SYNE2: variants seen among roughly 807,000 people sequenced by gnomAD.
The protein encoded by SYNE2 is spectrin repeat containing nuclear envelope protein 2.
Under a neutral mutation model 856.3 loss-of-function variants are expected in SYNE2, and 431 were observed. The ratio of observed to expected loss-of-function variants is 0.50; its 90% CI spans 0.47 to 0.55. SYNE2 has a LOEUF of 0.55. SYNE2 is among the 20% of genes least tolerant of loss of function. The pLI is 0.00. For synonymous variants in SYNE2, 2,923 were observed against 2,872.3 expected (o/e 1.02, Z -0.56); for missense variants, 8,129 against 8,023.2 (o/e 1.01, Z -0.50).
Position 64,053,629 on chromosome 14 carries a change from A to C in SYNE2, c.9716A>C (p.Gln3239Pro). The change falls in exon 48 of 116, where the codon CAG becomes CCG. Residue 3239 changes from glutamine (Q) to proline (P), a missense_variant. By Grantham distance (76) the Gln-to-Pro change is moderately conservative (BLOSUM62 -1). Transcript: ENST00000555002. ...CGTGAGTTTGAAGATCTTCAGATGC[A>C]GCTTAACACAAGCATTGATTTGCGC... is the stretch of plus-strand genomic sequence containing the variant. The part of the protein sequence containing the change: ...KLREFEDLQM[Q>P]LNTSIDLRTN... The C allele has an allele frequency of 1.2e-6, 2 of 1,613,368 alleles. No individual in the cohort carries two copies. The highest frequency in any genetic ancestry group is 1.7e-6 in the Non-Finnish European group (2 of 1,179,674).
intron 94 of SYNE2, among the ~76,000 whole-genome samples, chr14:64,172,379 T>G (rs1057035959): frequency 6.6e-6 from 1 of 152,222 alleles, no homozygotes; most frequent in African/African-American, 2.4e-5. Flanking sequence ...ACATGACTGA[T>G]GCTTAGGCTG....
intron 1 of SYNE2, among the ~76,000 whole-genome samples, chr14:63,793,768 C>CCT (rs1887821742): frequency 1.3e-5 from 2 of 151,248 alleles, no homozygotes; most frequent in South Asian, 4.2e-4. Context: ...GAGGCCCCCC[C>CCT]CCAACTAAAA....
chr14:63,994,771 G>T (rs376026871), intron 22 of SYNE2, among the ~76,000 whole-genome samples: 1 of 152,052 alleles, frequency 6.6e-6, no homozygotes, highest in South Asian at 2.1e-4. Flanking sequence ...TATCTGTTTT[G>T]CATAGTTTCC....
intron 18 of SYNE2, among the ~76,000 whole-genome samples, chr14:63,986,039 C>T (rs779167005): frequency 6.6e-6 from 1 of 152,154 alleles, no homozygotes; most frequent in Non-Finnish European, 1.5e-5. Flanking sequence ...CAAAGAACTA[C>T]ATCTTATGTC....
chr14:63,896,628 C>G (rs1282125912), intron 1 of SYNE2, among the ~76,000 whole-genome samples: 2 of 152,178 alleles, frequency 1.3e-5, no homozygotes, highest in Admixed American at 1.3e-4. Flanking sequence ...GAAACAGGAC[C>G]TTGGAGAAGC....
intron 1 of SYNE2, among the ~76,000 whole-genome samples, chr14:63,888,397 C>G (rs2095048571): frequency 6.6e-6 from 1 of 152,166 alleles, no homozygotes; most frequent in Non-Finnish European, 1.5e-5. Flanking sequence ...TCACCATGAG[C>G]TGGGATCTTG....
At chr14:63,871,309 G>T (rs1026673270) in intron 1 of SYNE2, among the ~76,000 whole-genome samples, 3 of 151,676 alleles carry the variant, frequency 2.0e-5, no homozygotes, top group Admixed American at 6.6e-5. Flanking sequence ...GGGTTCAAGC[G>T]ATTCTCCTGC....
At chr14:63,801,863 G>A (rs1184832382) in intron 1 of SYNE2, among the ~76,000 whole-genome samples, 1 of 137,636 alleles carries the variant, frequency 7.3e-6, no homozygotes, top group Non-Finnish European at 1.5e-5. Flanking sequence ...AAACATTTAA[G>A]TTTTTATAAG....
In SYNE2 at chr14:64,022,020, T is replaced by C; in HGVS notation, c.5516T>C (p.Leu1839Ser). The C allele has an allele frequency of 6.2e-7, 1 of 1,613,634 alleles. No homozygotes were observed. The highest frequency in any genetic ancestry group is 8.5e-7 in the Non-Finnish European group (1 of 1,179,752). ...KSVLQDHFSK[L>S]LNDQCKNFND... ...GTTTTGCAAGATCACTTTTCTAAGT[T>C]ATTGAATGGTGAGTGCAACATTTCT... The change falls in exon 37 of 116, where the codon TTA (leucine) becomes TCA (serine). Residue 1839 changes from leucine (L) to serine (S), a missense_variant. Transcript: ENST00000555002.
chr14:64,098,598 G>C, intron 62 of SYNE2, 149 bp from the exon 63 acceptor site: 1 of 776,918 alleles, frequency 1.3e-6, no homozygotes, highest in Non-Finnish European at 2.2e-6. Flanking sequence ...TGGAGGAGCT[G>C]AACGGACCAG....
chr14:64,132,473 G>A (rs1248026263), intron 77 of SYNE2, 35 bp downstream of exon 77: 15 of 1,613,524 alleles, frequency 9.3e-6, no homozygotes, highest in South Asian at 3.3e-5. Context: ...ACTGAAGCTG[G>A]GAATTGCTGA....
intron 93 of SYNE2, 83 bp from the exon 94 acceptor site, chr14:64,170,143 CTG>C (rs1491376698): frequency 1.5e-6 from 2 of 1,294,368 alleles, no homozygotes; most frequent in African/African-American, 2.9e-5. Flanking sequence ...CTTATAAAAA[CTG>C]AATCTGAGCT....
Position 63,973,169 on chromosome 14 carries a change from G to A in SYNE2, c.1129-3394G>A, listed in dbSNP as rs530227313. Among the ~76,000 whole-genome samples, 11 of 152,204 alleles carry A rather than the reference G, an allele frequency of 7.2e-5. No homozygotes were observed. The East Asian group carries it at 1.5e-3, about 21-fold the overall frequency. On this transcript the variant is annotated intron_variant, in intron 11 of 115. Transcript: ENST00000555002. ...TACTCAGGAGGCTGTCAGGAGAATC[G>A]CTTGCACCTGGTAGGCGGAGGTTTC... is the stretch of plus-strand genomic sequence containing the variant.
rs1307063472 is a variant in SYNE2, at chr14:64,188,643, A to T, written c.17806A>T (p.Met5936Leu). The T allele has an allele frequency of 1.2e-6, 2 of 1,614,106 alleles. No homozygotes were observed. The highest frequency in any genetic ancestry group is 1.7e-6 in the Non-Finnish European group (2 of 1,180,044). ...NKELCAWLVQ[M>L]ENKVLQTADI... is the part of the protein sequence containing the mutation. ...AGAGTTGTGTGCCTGGCTGGTGCAG[A>T]TGGAAAACAAAGTTCTACAGACAGC... The change falls in exon 98 of 116, where the codon ATG (methionine) becomes TTG (leucine). Residue 5936 changes from methionine to leucine, a missense_variant. Transcript: ENST00000555002.
At chr14:64,054,018 A>G (rs1172553661) in intron 48 of SYNE2, among the ~76,000 whole-genome samples, 3 of 152,186 alleles carry the variant, frequency 2.0e-5, no homozygotes, top group Non-Finnish European at 4.4e-5. Context: ...TAGTGCATCT[A>G]TTTTTATTTT....
At chr14:64,087,093 T>TAA (rs56917782) in intron 57 of SYNE2, among the ~76,000 whole-genome samples, 3,183 of 98,380 alleles carry the variant, frequency 0.032, 120 homozygotes, top group Admixed American at 0.08. Context: ...TGATAATTGG[T>TAA]AAAAAAAAAA....
chr14:64,220,231 C>CT (rs1194700199), intron 110 of SYNE2, among the ~76,000 whole-genome samples: 2 of 152,194 alleles, frequency 1.3e-5, no homozygotes, highest in Non-Finnish European at 2.9e-5. Flanking sequence ...CAGGCCTCTA[C>CT]TTTGGGGCCC....
chr14:64,075,522 A>T (rs996638365), intron 53 of SYNE2: 22 of 229,680 alleles, frequency 9.6e-5, no homozygotes, highest in African/African-American at 5.0e-4. Context: ...AGTGGCCTTA[A>T]ATCATTGTGA....
chr14:63,778,145 C>A (rs907161707), intron 1 of SYNE2, among the ~76,000 whole-genome samples: 7 of 152,110 alleles, frequency 4.6e-5, no homozygotes, highest in Non-Finnish European at 8.8e-5. Flanking sequence ...GGGGGCATTT[C>A]CCCGCATCCT....
Sources: gnomAD v4.1 joint callset for allele counts (sites outside exome capture counted in the v4.1 genomes callset) on GRCh38, gnomAD v4.1.1 for gene constraint, MANE v1.5 for transcripts, NCBI Gene and HGNC (gene_info 2026-07-23, HGNC 2026-07-21) for gene names.